The following ITGBL1 variants were observed in gnomAD, a reference collection of about 807,000 sequenced individuals.
ITGBL1 encodes the protein integrin subunit beta like 1.
ITGBL1 carries 51 observed loss-of-function variants against 68.5 expected under a neutral mutation model. The observed-to-expected ratio is 0.74, with a 90% CI of 0.59 to 0.94. The LOEUF (loss-of-function observed/expected upper bound fraction) is 0.94, where lower values mean the gene tolerates loss of function less well. Ranked by LOEUF, ITGBL1 falls within the 40% of genes least tolerant of loss-of-function variation. The probability of loss-of-function intolerance (pLI) is 0.00; values close to 1 mark genes in which losing one functional copy is unlikely to be tolerated. For synonymous variants in ITGBL1, 209 were observed against 227.3 expected (o/e 0.92, Z 0.72); for missense variants, 649 against 647.4 (o/e 1.00, Z -0.03).
chr13:101,702,286 T>C (rs1366514075), intron 8 of ITGBL1, among the ~76,000 whole-genome samples: 1 of 152,224 alleles, frequency 6.6e-6, no homozygotes, highest in African/African-American at 2.4e-5. Flanking sequence ...TTATCAATTT[T>C]ATTGATCTTT....
chr13:101,700,770 G>T (rs1356975449), intron 8 of ITGBL1, among the ~76,000 whole-genome samples: 2 of 151,986 alleles, frequency 1.3e-5, no homozygotes, highest in African/African-American at 2.4e-5. Flanking sequence ...GCTATTTCTT[G>T]TCCCAAGAAC....
At chr13:101,575,303 T>G in intron 3 of ITGBL1, 121 bp from the exon 4 acceptor site, 1 of 947,842 alleles carries the variant, frequency 1.1e-6, no homozygotes, top group South Asian at 1.7e-5. Context: ...CACAGAAATA[T>G]CTAATTGAAA....
At chr13:101,472,257 A>G (rs1057157847) in intron 2 of ITGBL1, among the ~76,000 whole-genome samples, 2 of 152,198 alleles carry the variant, frequency 1.3e-5, no homozygotes, top group Non-Finnish European at 2.9e-5. Flanking sequence ...GCACCTTCCA[A>G]ATGCTCTTAG....
rs927937664 is a variant in ITGBL1 at position 101,453,278 on chromosome 13, G to C, written c.98+347G>C. Among the ~76,000 whole-genome samples the C allele has an allele frequency of 1.3e-5, 2 of 152,208 alleles. 1 individual carries two copies. Among genetic ancestry groups the C allele is most frequent in the Admixed American group, 1.3e-4 (2 of 15,286 alleles). ...ATCTGTTTCCCAAGGGCAGCAACAG[G>C]AGGTCTGTGTTACATTTTGTATCAT... On this transcript the variant is annotated intron_variant, in intron 1 of 10. Transcript: ENST00000376180.
intron 2 of ITGBL1, among the ~76,000 whole-genome samples, chr13:101,531,708 TTTA>T (rs755841153): frequency 8.6e-6 from 1 of 116,394 alleles, no homozygotes; most frequent in African/African-American, 4.5e-5. Flanking sequence ...TTGTTATTTA[TTTA>T]TTTATTTATT....
chr13:101,515,051 T>C (rs1335282134), intron 2 of ITGBL1, among the ~76,000 whole-genome samples: 3 of 152,156 alleles, frequency 2.0e-5, no homozygotes, highest in Non-Finnish European at 2.9e-5. Flanking sequence ...CATTGTGTTC[T>C]TATATAAAAT....
intron 7 of ITGBL1, among the ~76,000 whole-genome samples, chr13:101,607,134 T>C (rs2030906540): frequency 6.6e-6 from 1 of 152,014 alleles, no homozygotes; most frequent in Non-Finnish European, 1.5e-5. Flanking sequence ...TTATGTGCAC[T>C]TTGTCAACAG....
At chr13:101,717,637 G>C (rs1056397249), downstream of ITGBL1, 1 of 151,762 alleles carries the variant, frequency 6.6e-6, no homozygotes, top group Non-Finnish European at 1.5e-5. Flanking sequence ...AAACTTTACG[G>C]ACCACGTACG....
At chr13:101,471,730 C>T (rs903146079) in intron 2 of ITGBL1, among the ~76,000 whole-genome samples, 15 of 151,844 alleles carry the variant, frequency 9.9e-5, no homozygotes, top group African/African-American at 3.4e-4. Flanking sequence ...GAAAGTGAGA[C>T]GAAATACTTG....
chr13:101,519,153 G>T (rs115764568), intron 2 of ITGBL1, among the ~76,000 whole-genome samples: 136 of 152,184 alleles, frequency 8.9e-4, no homozygotes, highest in African/African-American at 3.1e-3. Context: ...GAAATATTTT[G>T]AAAATAAACC....
chr13:101,671,602 C>A (rs1255126964), intron 7 of ITGBL1, among the ~76,000 whole-genome samples: 5 of 150,760 alleles, frequency 3.3e-5, no homozygotes, highest in Non-Finnish European at 5.9e-5. Flanking sequence ...CCACGCCCGG[C>A]TAATTTTTTG....
intron 2 of ITGBL1, among the ~76,000 whole-genome samples, chr13:101,470,525 A>G (rs1269918128): frequency 6.6e-6 from 1 of 152,124 alleles, no homozygotes; most frequent in African/African-American, 2.4e-5. Flanking sequence ...TTAAAGCACA[A>G]TGAAATAATG....
intron 7 of ITGBL1, among the ~76,000 whole-genome samples, chr13:101,610,850 G>C (rs1399543499): frequency 6.6e-6 from 1 of 152,140 alleles, no homozygotes; most frequent in Admixed American, 6.6e-5. Flanking sequence ...GATGACATTT[G>C]CTCAATTTGT....
At chr13:101,719,359 T>C (rs2034841373), downstream of ITGBL1, 1 of 151,772 alleles carries the variant, frequency 6.6e-6, no homozygotes, top group Non-Finnish European at 1.5e-5. Context: ...GGAGCGGGAG[T>C]CCTTTGGACC....
chr13:101,503,323 C>A (rs955966697), intron 2 of ITGBL1, among the ~76,000 whole-genome samples: 32 of 152,034 alleles, frequency 2.1e-4, no homozygotes, highest in African/African-American at 7.7e-4. Flanking sequence ...ATTGGCATGA[C>A]CATTTAAGGG....
At position 101,490,540 on chromosome 13, in the gene ITGBL1, C is replaced by T. The variant is rs1299754974; in HGVS notation, c.316+36440C>T. Reference sequence around the variant, plus strand: ...AGGGCTGTGAGTAATGTGTTGTTCACACACAGTAAGTAGCCATTAATTCTG... The same window carrying T: ...AGGGCTGTGAGTAATGTGTTGTTCATACACAGTAAGTAGCCATTAATTCTG... On this transcript the variant is annotated intron_variant, in intron 2 of 10. Transcript: ENST00000376180. 3.3e-5 allele frequency among the ~76,000 whole-genome samples: 5 copies of T among 152,244 alleles called. No individual in the cohort carries two copies. The East Asian group carries it at 5.8e-4, about 18-fold the overall frequency.
intron 6 of ITGBL1, among the ~76,000 whole-genome samples, chr13:101,588,193 AT>A (rs1566744256): frequency 6.6e-6 from 1 of 152,088 alleles, no homozygotes; most frequent in African/African-American, 2.4e-5. Context: ...GGACCACTCA[AT>A]GGCTGCTCTT....
At chr13:101,493,660 A>G (rs1009057380) in intron 2 of ITGBL1, among the ~76,000 whole-genome samples, 2 of 152,126 alleles carry the variant, frequency 1.3e-5, no homozygotes, top group African/African-American at 2.4e-5. Flanking sequence ...TCACCTAAAG[A>G]TTTATTCCAC....
At chr13:101,656,969 A>G (rs181194448) in intron 7 of ITGBL1, among the ~76,000 whole-genome samples, 2 of 142,424 alleles carry the variant, frequency 1.4e-5, no homozygotes, top group Non-Finnish European at 3.0e-5. Context: ...TTTTTTTTTA[A>G]TTATACTTTA....
Sources: gnomAD v4.1 joint callset for allele counts (sites outside exome capture counted in the v4.1 genomes callset) on GRCh38, gnomAD v4.1.1 for gene constraint, MANE v1.5 for transcripts, NCBI Gene and HGNC (gene_info 2026-07-23, HGNC 2026-07-21) for gene names.